The following C14orf39 variants were observed in gnomAD, a reference collection of about 807,000 sequenced individuals.
C14orf39 encodes chromosome 14 open reading frame 39.
In C14orf39, 66 loss-of-function variants were observed where a neutral mutation model predicts 85.6. The ratio of observed to expected loss-of-function variants is 0.77; its 90% CI spans 0.63 to 0.95. C14orf39 has a LOEUF of 0.95. Among genes scored for constraint, C14orf39 ranks in the 40% least tolerant of loss-of-function variants. The pLI, the probability that C14orf39 is intolerant of heterozygous loss-of-function variation, is 0.00. For synonymous variants in C14orf39, 242 were observed against 214.0 expected, an observed-to-expected ratio of 1.13 and a Z score of -1.14; for missense variants, 735 against 663.9, an observed-to-expected ratio of 1.11 and a Z score of -1.18.
intron 2 of C14orf39, chr14:60,496,871 C>T (rs987159895): frequency 6.6e-6 from 1 of 152,476 alleles, no homozygotes; most frequent in African/African-American, 2.4e-5. Context: ...GTTTCACCTG[C>T]TTGTTCAACA....
intron 17 of C14orf39, among the ~76,000 whole-genome samples, chr14:60,441,297 T>C (rs978671446): frequency 7.9e-5 from 12 of 152,334 alleles, no homozygotes; most frequent in African/African-American, 2.6e-4. Context: ...GTGACCTACA[T>C]GCAACATGCC....
At chr14:60,482,879 G>GGTGTGTGTGTGTGTGTGTGT (rs60206941) in intron 4 of C14orf39, among the ~76,000 whole-genome samples, 50 of 146,642 alleles carry the variant, frequency 3.4e-4, no homozygotes, top group Non-Finnish European at 5.0e-4. Context: ...TATATAGACA[G>GGTGTGTGTGTGTGTGTGTGT]GTGTGTGTGT....
At chr14:60,487,835 T>C (rs953584668), upstream of C14orf39, among the ~76,000 whole-genome samples, 8 of 152,198 alleles carry the variant, frequency 5.3e-5, no homozygotes, top group East Asian at 3.8e-4. Flanking sequence ...ACGTATCCTA[T>C]TGTGGTTTTG....
chr14:60,484,988 T>C lies in C14orf39; in HGVS notation c.49+42A>G. 1 of 1,584,928 alleles carries C rather than the reference T, an allele frequency of 6.3e-7. No homozygotes were observed. The highest frequency in any genetic ancestry group is 1.4e-5 in the African/African-American group (1 of 73,126). On this transcript the variant is annotated intron_variant, in intron 2 of 17. Transcript: ENST00000321731. This position sits in a 1 kb window ranked among gnomAD's most constrained non-coding sequence, Gnocchi z 4.2. ...TTCAATTCATTGTTAAAATATCAAA[T>C]GATCATACAAAAAGCTACCTATTTT...
intron 1 of C14orf39, among the ~76,000 whole-genome samples, chr14:60,504,419 T>C (rs1018533): frequency 0.63 from 95,972 of 152,074 alleles, 31,322 homozygotes; most frequent in Admixed American, 0.71. Context: ...TAAACAAACT[T>C]ACATTCTTTC....
upstream of C14orf39, among the ~76,000 whole-genome samples, chr14:60,486,338 C>T (rs1892892621): frequency 6.6e-6 from 1 of 152,160 alleles, no homozygotes; most frequent in Non-Finnish European, 1.5e-5. Context: ...CCTATTTATT[C>T]CTCTTGTAAC....
intron 13 of C14orf39, among the ~76,000 whole-genome samples, chr14:60,459,705 A>C (rs1043783400): frequency 6.6e-6 from 1 of 151,582 alleles, no homozygotes. Flanking sequence ...ACCTCACTGT[A>C]GTTTTATTTT....
chr14:60,435,975 A>G lies in C14orf39; in HGVS notation c.*870T>C, dbSNP rs1290344866. 5 of 152,166 alleles carry G rather than the reference A, an allele frequency of 3.3e-5. No homozygotes were observed. The highest frequency in any genetic ancestry group is 1.2e-4 in the African/African-American group (5 of 41,446). 9.4% of individuals were successfully genotyped at this position (152,166 alleles called of 1,614,324 possible). A position where few individuals can be genotyped will look rare whatever the true frequency, so the allele number is the denominator to read the frequency against. On this transcript the variant is annotated 3_prime_UTR_variant, in exon 18 of 18. Coordinates refer to ENST00000321731, the MANE Select transcript of C14orf39 (RefSeq NM_174978.3). The stretch of plus-strand genomic sequence containing the variant: ...AAAATATGGAGTCAAACCCTTTATT[A>G]CTTGGTAACTCAGTACAGCTAATTT...
At chr14:60,482,538 A>G (rs562527947) in intron 4 of C14orf39, among the ~76,000 whole-genome samples, 1 of 152,344 alleles carries the variant, frequency 6.6e-6, no homozygotes, top group Non-Finnish European at 1.5e-5. Context: ...AAATTGGTAT[A>G]AACTTTTTGG....
At chr14:60,474,012 G>C (rs1460145087) in intron 5 of C14orf39, among the ~76,000 whole-genome samples, 3 of 152,050 alleles carry the variant, frequency 2.0e-5, no homozygotes, top group African/African-American at 7.2e-5. Flanking sequence ...CCATTTTCAC[G>C]ATATTGATTC....
chr14:60,495,618 T>C, intron 2 of C14orf39: 1 of 208,168 alleles, frequency 4.8e-6, no homozygotes, highest in Non-Finnish European at 9.9e-6. Flanking sequence ...AAGGTTTGCC[T>C]TTACCTGAAA....
At chr14:60,503,151 C>A (rs902361242) in intron 1 of C14orf39, among the ~76,000 whole-genome samples, 1 of 152,190 alleles carries the variant, frequency 6.6e-6, no homozygotes, top group African/African-American at 2.4e-5. Flanking sequence ...TCCATTTTTC[C>A]TGCCAATACA....
At chr14:60,501,770 C>T (rs1893153232) in intron 1 of C14orf39, among the ~76,000 whole-genome samples, 2 of 152,070 alleles carry the variant, frequency 1.3e-5, no homozygotes, top group Admixed American at 1.3e-4. Flanking sequence ...TTCGAGAAAC[C>T]TAAGGCAGGC....
chr14:60,455,346 T>C (rs529087450), intron 15 of C14orf39, among the ~76,000 whole-genome samples: 1 of 152,190 alleles, frequency 6.6e-6, no homozygotes, highest in East Asian at 1.9e-4. Context: ...AGGCATAACT[T>C]ACTTATTCTT....
chr14:60,495,895 C>T, intron 2 of C14orf39: 1 of 400,924 alleles, frequency 2.5e-6, no homozygotes, highest in African/African-American at 2.1e-5. Context: ...AGAAAGAACT[C>T]TGGAAGAGCA....
intron 8 of C14orf39, among the ~76,000 whole-genome samples, chr14:60,469,174 G>C (rs1891944951): frequency 1.3e-5 from 2 of 150,718 alleles, no homozygotes; most frequent in Non-Finnish European, 3.0e-5. Flanking sequence ...AAAAACACTG[G>C]CGTAGATCTT....
At chr14:60,483,256 T>G (rs548278451) in intron 4 of C14orf39, among the ~76,000 whole-genome samples, 3 of 152,236 alleles carry the variant, frequency 2.0e-5, no homozygotes, top group Non-Finnish European at 4.4e-5. Context: ...GTTGTTTTTA[T>G]GTATTTGTTT....
intron 11 of C14orf39, among the ~76,000 whole-genome samples, chr14:60,463,360 T>C (rs1891617283): frequency 6.6e-6 from 1 of 152,194 alleles, no homozygotes; most frequent in African/African-American, 2.4e-5. Flanking sequence ...CATTCTGTTA[T>C]TGTCTTTTAA....
At chr14:60,477,386 C>A (rs903514507) in intron 5 of C14orf39, among the ~76,000 whole-genome samples, 3 of 151,970 alleles carry the variant, frequency 2.0e-5, no homozygotes, top group Non-Finnish European at 2.9e-5. Flanking sequence ...AAAATAGATA[C>A]TGTTCTCATC....
Sources: gnomAD v4.1 joint callset for allele counts (sites outside exome capture counted in the v4.1 genomes callset) on GRCh38, gnomAD v4.1.1 for gene constraint, Gnocchi (gnomAD v3.1) non-coding constraint, MANE v1.5 for transcripts, NCBI Gene and HGNC (gene_info 2026-07-23, HGNC 2026-07-21) for gene names.